Variants in HRH1 observed in about 807,000 individuals in gnomAD.
HRH1 encodes histamine receptor H1, also known as histamine H1 receptor.
HRH1 carries 6 observed loss-of-function variants against 10.3 expected under a neutral mutation model. The observed-to-expected ratio is 0.58, with a 90% CI of 0.32 to 1.15. HRH1 has a LOEUF of 1.15. HRH1 is among the 50% of genes most tolerant of loss of function. HRH1 has a pLI of 0.05. For missense variants in HRH1, 514 were observed against 615.3 expected (o/e 0.84, Z 1.74); for synonymous variants, 242 against 236.7 (o/e 1.02, Z -0.21).
intron 1 of HRH1, among the ~76,000 whole-genome samples, chr3:11,146,336 G>A (rs1242916229): frequency 6.6e-6 from 1 of 152,146 alleles, no homozygotes; most frequent in Non-Finnish European, 1.5e-5. Flanking sequence ...CCCTGTTTTA[G>A]GCTATTGTCT....
chr3:11,147,095 G>A (rs1426161650), intron 1 of HRH1, among the ~76,000 whole-genome samples: 5 of 152,186 alleles, frequency 3.3e-5, no homozygotes, highest in South Asian at 2.1e-4. Flanking sequence ...GAAAGTTACC[G>A]TTCTCACTCA....
Position 11,259,097 on chromosome 3 carries a change from C to T in HRH1, c.60C>T (p.Thr20=). Residue 20 remains threonine, a synonymous_variant, in exon 2 of 2, where the codon ACC becomes ACT. Transcript: ENST00000431010. This position sits in a 1 kb window ranked among gnomAD's most constrained non-coding sequence, Gnocchi z 4.6. ...ACAAGATGTGTGAGGGCAACAAGAC[C>T]ACTATGGCCAGCCCCCAGCTGATGC... The part of the protein sequence containing the change: ...LEDKMCEGNK[T]TMASPQLMPL... 1 of 1,613,598 alleles carries T rather than the reference C, an allele frequency of 6.2e-7. No individual in the cohort carries two copies. Among genetic ancestry groups the T allele is most frequent in the Non-Finnish European group, 8.5e-7 (1 of 1,179,802 alleles).
At chr3:11,223,783 T>A (rs1181044185) in intron 1 of HRH1, among the ~76,000 whole-genome samples, 1 of 152,202 alleles carries the variant, frequency 6.6e-6, no homozygotes, top group Non-Finnish European at 1.5e-5. Context: ...AGCAACCCCC[T>A]TGTTTAACAG....
chr3:11,260,796 A>C lies in HRH1; in HGVS notation c.*295A>C. On this transcript the variant is annotated 3_prime_UTR_variant, in exon 2 of 2. Coordinates refer to ENST00000431010, the MANE Select transcript of HRH1 (RefSeq NM_001098212.2). ...ATAATAAAAATAAAAGAGAGAGAGA[A>C]TCAGACCTGGGTGGAACTCTCCTGC... 47 of 314,520 alleles carry C rather than the reference A, an allele frequency of 1.5e-4. No individual in the cohort carries two copies. Among genetic ancestry groups the C allele is most frequent in the East Asian group, 4.8e-4 (8 of 16,696 alleles). The allele number at this position is 314,520 out of a possible 1,614,324, so 19.5% of individuals were successfully genotyped here. A position where few individuals can be genotyped will look rare whatever the true frequency, so the allele number is the denominator to read the frequency against.
Position 11,260,168 on chromosome 3 carries a change from G to A in HRH1, c.1131G>A (p.Arg377=). ...TETAPGKGKL[R]SGSNTGLDYI... ...CAGCACCAGGCAAAGGCAAATTGAG[G>A]AGTGGGTCTAACACAGGCCTGGATT... The change falls in exon 2 of 2, where the codon AGG becomes AGA. Residue 377 remains arginine, a synonymous_variant. Transcript: ENST00000431010. The A allele has an allele frequency of 1.2e-6, 2 of 1,614,054 alleles. No homozygotes were observed. The highest frequency in any genetic ancestry group is 1.7e-6 in the Non-Finnish European group (2 of 1,180,014).
intron 1 of HRH1, among the ~76,000 whole-genome samples, chr3:11,255,369 G>A (rs555741223): frequency 6.6e-6 from 1 of 152,338 alleles, no homozygotes; most frequent in East Asian, 1.9e-4. Context: ...AGGGAGCTGA[G>A]AGCCACCTTG....
intron 1 of HRH1, among the ~76,000 whole-genome samples, chr3:11,224,577 G>A (rs1938820801): frequency 6.6e-6 from 1 of 152,078 alleles, no homozygotes; most frequent in Non-Finnish European, 1.5e-5. Flanking sequence ...GTGGGCACCT[G>A]TAGTCCCAGC....
At chr3:11,218,008 G>A (rs1938570272) in intron 1 of HRH1, among the ~76,000 whole-genome samples, 1 of 152,120 alleles carries the variant, frequency 6.6e-6, no homozygotes. Context: ...AGATGCAACA[G>A]TCAAACTTCC....
upstream of HRH1, among the ~76,000 whole-genome samples, chr3:11,154,008 G>A (rs1204816641): frequency 4.6e-5 from 7 of 152,180 alleles, no homozygotes; most frequent in Admixed American, 1.3e-4. The surrounding 1 kb of genome is among the most constrained non-coding windows in gnomAD (Gnocchi z 4.4). Flanking sequence ...GGAATGAGGG[G>A]CGCAGGTATC....
chr3:11,203,233 G>A (rs1258541189), intron 1 of HRH1, among the ~76,000 whole-genome samples: 3 of 152,120 alleles, frequency 2.0e-5, no homozygotes, highest in Non-Finnish European at 2.9e-5. Flanking sequence ...GCAGATTTTT[G>A]TGTAGACACA....
intron 1 of HRH1, among the ~76,000 whole-genome samples, chr3:11,254,254 C>T: frequency 6.6e-6 from 1 of 152,168 alleles, no homozygotes; most frequent in South Asian, 2.1e-4. Flanking sequence ...AGAGATTTTT[C>T]ACACTCTTCA....
intron 1 of HRH1, among the ~76,000 whole-genome samples, chr3:11,158,715 C>A (rs930596224): frequency 6.6e-6 from 1 of 152,038 alleles, no homozygotes; most frequent in African/African-American, 2.4e-5. Flanking sequence ...TAGAAAAATT[C>A]ATGTTCTGTT....
At chr3:11,145,070 C>T (rs986084363) in intron 1 of HRH1, among the ~76,000 whole-genome samples, 3 of 152,088 alleles carry the variant, frequency 2.0e-5, no homozygotes, top group African/African-American at 7.2e-5. Context: ...TCCCCATGGC[C>T]GCTGCGCTAG....
upstream of HRH1, among the ~76,000 whole-genome samples, chr3:11,150,042 C>T (rs979142128): frequency 6.6e-6 from 1 of 152,228 alleles, no homozygotes; most frequent in African/African-American, 2.4e-5. Context: ...AGAGAAAGAT[C>T]AACTTAATTT....
intron 1 of HRH1, among the ~76,000 whole-genome samples, chr3:11,143,356 A>T (rs1574967577): frequency 6.6e-6 from 1 of 152,272 alleles, no homozygotes; most frequent in South Asian, 2.1e-4. Flanking sequence ...CAGCCTGAGA[A>T]GGCTTGTATG....
rs117341039 is a variant in HRH1 at position 11,257,982 on chromosome 3, G to A, written c.-35-1021G>A. Among the ~76,000 whole-genome samples the A allele has an allele frequency of 1.5e-4, 23 of 152,158 alleles. No homozygotes were observed. The East Asian group carries it at 3.9e-3, about 26-fold the overall frequency. ...GTGAGCCACCATTTCCAGCCTACTA[G>A]CAAGGGTCTTGTTACATATTACTTG... is the stretch of plus-strand genomic sequence containing the variant. On this transcript the variant is annotated intron_variant, in intron 1 of 1. Transcript: ENST00000431010.
At chr3:11,245,941 A>C (rs979534253) in intron 1 of HRH1, among the ~76,000 whole-genome samples, 23 of 151,950 alleles carry the variant, frequency 1.5e-4, no homozygotes, top group Admixed American at 6.6e-4. Flanking sequence ...ATACACACTC[A>C]CACTCACTCA....
intron 1 of HRH1, among the ~76,000 whole-genome samples, chr3:11,248,135 A>T (rs1413512904): frequency 1.3e-5 from 2 of 152,228 alleles, no homozygotes; most frequent in Non-Finnish European, 2.9e-5. Flanking sequence ...TCCAATCGTG[A>T]CACAAACTCC....
intron 1 of HRH1, among the ~76,000 whole-genome samples, chr3:11,172,984 A>G (rs1179638393): frequency 6.6e-6 from 1 of 152,154 alleles, no homozygotes; most frequent in Non-Finnish European, 1.5e-5. Context: ...GGCGTGAGCC[A>G]CCGCGCCCGG....
Sources: gnomAD v4.1 joint callset for allele counts (sites outside exome capture counted in the v4.1 genomes callset) on GRCh38, gnomAD v4.1.1 for gene constraint, Gnocchi (gnomAD v3.1) non-coding constraint, MANE v1.5 for transcripts, NCBI Gene and HGNC (gene_info 2026-07-23, HGNC 2026-07-21) for gene names.